PAMR1: variants seen among roughly 807,000 people sequenced by gnomAD.
The protein encoded by PAMR1 is inactive serine protease PAMR1.
PAMR1 carries 88 observed loss-of-function variants against 81.8 expected under a neutral mutation model. The ratio of observed to expected loss-of-function variants is 1.08; its 90% CI spans 0.91 to 1.28. The LOEUF is 1.28. Ranked by LOEUF, PAMR1 falls within the 50% of genes most tolerant of loss-of-function variation. The pLI, the probability that PAMR1 is intolerant of heterozygous loss-of-function variation, is 0.00. For missense variants in PAMR1, 935 were observed against 919.7 expected, an observed-to-expected ratio of 1.02 and a Z score of -0.21; for synonymous variants, 336 against 345.3, an observed-to-expected ratio of 0.97 and a Z score of 0.30.
chr11:35,477,384 C>T (rs529767860), intron 3 of PAMR1, among the ~76,000 whole-genome samples: 2 of 152,348 alleles, frequency 1.3e-5, no homozygotes, highest in Admixed American at 6.5e-5. Flanking sequence ...AGATGTGGAA[C>T]ACTAAAGATG....
chr11:35,474,854 G>A, intron 3 of PAMR1, 110 bp from the exon 4 acceptor site: 1 of 673,900 alleles, frequency 1.5e-6, no homozygotes, highest in Non-Finnish European at 2.6e-6. Context: ...AGAACAGGAT[G>A]AATAGGGAAA....
At chr11:35,449,835 G>A (rs554350663) in intron 6 of PAMR1, among the ~76,000 whole-genome samples, 1 of 152,272 alleles carries the variant, frequency 6.6e-6, no homozygotes, top group Admixed American at 6.5e-5. Context: ...TCCTTTGGCT[G>A]GGGTGGGAGT....
chr11:35,468,816 G>A (rs1399417940), intron 5 of PAMR1, among the ~76,000 whole-genome samples: 1 of 152,136 alleles, frequency 6.6e-6, no homozygotes, highest in African/African-American at 2.4e-5. Flanking sequence ...TTTTTCTACA[G>A]AAAAGATTTT....
In PAMR1 at chr11:35,470,706, G is replaced by T. The variant is rs776344621; in HGVS notation, c.607C>A (p.Arg203=). ...QIIKRVCGNE[R]PAPIQSIGSS... ...CCTATGCTCTGGATAGGAGCTGGCC[G>T]CTCGTTGCCACAGACACGCTTGATG... The change falls in exon 5 of 11, where the codon CGG becomes AGG. Residue 203 remains arginine (R), a synonymous_variant. Coordinates refer to ENST00000619888, the MANE Select transcript of PAMR1 (RefSeq NM_001001991.3). 8.7e-6 allele frequency: 14 copies of T among 1,613,970 alleles called. No individual in the cohort carries two copies. The highest frequency in any genetic ancestry group is 5.0e-5 in the Admixed American group (3 of 60,004).
chr11:35,487,803 A>G lies in PAMR1; in HGVS notation c.379+4242T>C, dbSNP rs150008477. 3.9e-3 allele frequency among the ~76,000 whole-genome samples: 598 copies of G among 152,358 alleles called. 8 individuals carry two copies. The highest frequency in any genetic ancestry group is 0.014 in the African/African-American group (569 of 41,580). On this transcript the variant is annotated intron_variant, in intron 3 of 10. Coordinates refer to ENST00000619888, the MANE Select transcript of PAMR1 (RefSeq NM_001001991.3). ...CTGGAATCGTCCTGGGCTTTACCCC[A>G]AAGTGTACGGCCTCAGGCAAGTTAC...
rs188653558 is a variant in PAMR1, at chr11:35,432,347, G to A, written c.*9C>T. On this transcript the variant is annotated 3_prime_UTR_variant, in exon 11 of 11. Coordinates refer to ENST00000619888, the MANE Select transcript of PAMR1 (RefSeq NM_001001991.3). ...CAGAAACACTTCTCAAGGAGTGCAT[G>A]AGCATGGTTCATTTCATATTTCTTT... is the stretch of plus-strand genomic sequence containing the variant. 9 of 1,604,918 alleles carry A rather than the reference G, an allele frequency of 5.6e-6. No homozygotes were observed. The highest frequency in any genetic ancestry group is 7.6e-6 in the Non-Finnish European group (9 of 1,177,928).
At chr11:35,436,331 A>T (rs1406627347) in intron 8 of PAMR1, 196 bp from the exon 9 acceptor site, 1 of 565,754 alleles carries the variant, frequency 1.8e-6, no homozygotes, top group Non-Finnish European at 3.2e-6. Flanking sequence ...TCACTCCAGG[A>T]TGGAGTGTAG....
chr11:35,472,587 A>C (rs34190626), intron 4 of PAMR1, among the ~76,000 whole-genome samples: 20,439 of 152,260 alleles, frequency 0.13, 1,702 homozygotes, highest in Non-Finnish European at 0.2. Flanking sequence ...CTAAGGTGTT[A>C]AGTTTCTGAC....
At chr11:35,514,021 G>C (rs1851119400) in intron 1 of PAMR1, among the ~76,000 whole-genome samples, 1 of 152,098 alleles carries the variant, frequency 6.6e-6, no homozygotes. Context: ...TGACTTCTTA[G>C]TGGCCTTGAA....
chr11:35,449,164 G>A (rs1413865203), intron 6 of PAMR1, among the ~76,000 whole-genome samples: 12 of 152,198 alleles, frequency 7.9e-5, no homozygotes, highest in Non-Finnish European at 1.8e-4. Flanking sequence ...CCCCTTGGCA[G>A]AGCAGGTGCA....
chr11:35,486,153 G>A (rs960473739), intron 3 of PAMR1, among the ~76,000 whole-genome samples: 1 of 152,196 alleles, frequency 6.6e-6, no homozygotes, highest in Non-Finnish European at 1.5e-5. Flanking sequence ...ACTCATTGCG[G>A]AATCATTGTG....
intron 9 of PAMR1, among the ~76,000 whole-genome samples, chr11:35,435,314 A>G (rs1264203651): frequency 6.6e-6 from 1 of 152,186 alleles, no homozygotes; most frequent in Non-Finnish European, 1.5e-5. Context: ...ATATTATCTC[A>G]GTACTCATCA....
Position 35,468,070 on chromosome 11 carries a change from C to A in PAMR1, c.751G>T (p.Val251Phe). ...TTGTAAGATCCAGCCTTGTCAAGGA[C>A]GCACGTGCCGTCATGGAAACAAGGG... ...SSPCFHDGTC[V>F]LDKAGSYKCA... Residue 251 changes from valine to phenylalanine, a missense_variant, in exon 6 of 11, where the codon GTC (valine) becomes TTC (phenylalanine). Physicochemically the swap from Val to Phe is conservative, Grantham distance 50 (BLOSUM62 -1). Transcript: ENST00000619888. 1.3e-6 allele frequency: 2 copies of A among 1,557,692 alleles called. No individual in the cohort carries two copies. Among genetic ancestry groups the A allele is most frequent in the Non-Finnish European group, 8.7e-7 (1 of 1,149,440 alleles).
intron 4 of PAMR1, among the ~76,000 whole-genome samples, chr11:35,473,586 T>C (rs1029324807): frequency 1.3e-5 from 2 of 152,162 alleles, no homozygotes; most frequent in Non-Finnish European, 2.9e-5. Context: ...CCCCACGTCC[T>C]CAGGGAGTGG....
At chr11:35,437,983 T>C (rs775055870) in intron 8 of PAMR1, among the ~76,000 whole-genome samples, 1 of 152,206 alleles carries the variant, frequency 6.6e-6, no homozygotes, top group African/African-American at 2.4e-5. Context: ...TATTCTGACT[T>C]ATGAATATTC....
intron 1 of PAMR1, among the ~76,000 whole-genome samples, chr11:35,510,898 T>C (rs1851061432): frequency 6.6e-6 from 1 of 152,210 alleles, no homozygotes; most frequent in South Asian, 2.1e-4. Context: ...CAAACACTTC[T>C]CTCAACTTCC....
intron 1 of PAMR1, among the ~76,000 whole-genome samples, chr11:35,508,511 C>A (rs532556180): frequency 3.1e-5 from 4 of 127,532 alleles, no homozygotes; most frequent in Admixed American, 2.8e-4. Flanking sequence ...GAAGCAGGAA[C>A]CTCCATTTTT....
chr11:35,434,688 C>T lies in PAMR1; in HGVS notation c.1450G>A (p.Ala484Thr), dbSNP rs1163376344. ...GCACCGCTGCAGACTAGGAACCACG[C>T]TCCCTTGTGTAGGCTGCCGTCATGC... is the stretch of plus-strand genomic sequence containing the variant. ...GVHDGSLHKG[A>T]WFLVCSGALV... is the part of the protein sequence containing the mutation. The change falls in exon 10 of 11, where the codon GCG (alanine) becomes ACG (threonine). Residue 484 changes from alanine (A) to threonine (T), a missense_variant. Transcript: ENST00000619888. The T allele has an allele frequency of 1.9e-6, 3 of 1,614,222 alleles. No individual in the cohort carries two copies. Among genetic ancestry groups the T allele is most frequent in the Non-Finnish European group, 2.5e-6 (3 of 1,180,048 alleles).
intron 1 of PAMR1, among the ~76,000 whole-genome samples, chr11:35,507,324 C>T (rs1017980811): frequency 2.6e-5 from 4 of 152,070 alleles, no homozygotes; most frequent in Admixed American, 6.5e-5. Flanking sequence ...TGGGATTACA[C>T]GCATGAGCCA....
Sources: allele counts gnomAD v4.1 joint callset (sites outside exome capture counted in the v4.1 genomes callset), GRCh38; gene constraint gnomAD v4.1.1; transcripts MANE v1.5; gene names NCBI Gene and HGNC (gene_info 2026-07-23, HGNC 2026-07-21).